LRRC37A2: variants seen among roughly 807,000 people sequenced by gnomAD.
The protein encoded by LRRC37A2 is leucine-rich repeat-containing protein 37A2.
LRRC37A2 carries 9 observed loss-of-function variants against 68.8 expected under a neutral mutation model. That is an observed-to-expected ratio of 0.13 (90% CI 0.08 to 0.23). The LOEUF (loss-of-function observed/expected upper bound fraction) is 0.23. LRRC37A2 is among the 10% of genes least tolerant of loss of function. The pLI, the probability that LRRC37A2 is intolerant of heterozygous loss-of-function variation, is 1.00. For synonymous variants in LRRC37A2, 63 were observed against 367.6 expected (o/e 0.17, Z 9.48); for missense variants, 168 against 950.4 (o/e 0.18, Z 10.82).
the LRRC37A2 span, among the ~76,000 whole-genome samples, chr17:46,983,559 A>G: frequency 1.3e-5 from 2 of 151,136 alleles, no homozygotes; most frequent in African/African-American, 4.9e-5. Flanking sequence ...CTCCCAAAGT[A>G]TTGGGATTAC....
the LRRC37A2 span, among the ~76,000 whole-genome samples, chr17:46,501,843 T>G: frequency 2.6e-5 from 4 of 151,280 alleles, 1 homozygote; most frequent in African/African-American, 7.4e-5. Context: ...GAATTAACCT[T>G]GATCAAATCT....
the LRRC37A2 span, chr17:46,979,028 C>G: frequency 7.2e-7 from 1 of 1,387,858 alleles, no homozygotes; most frequent in East Asian, 3.1e-5. Context: ...CGCCGGGGGT[C>G]TCGGCGCGCA....
At chr17:46,835,850 T>G in the LRRC37A2 span, among the ~76,000 whole-genome samples, 1 of 152,184 alleles carries the variant, frequency 6.6e-6, no homozygotes, top group South Asian at 2.1e-4. Context: ...CTGCCTAGCT[T>G]CTTAACCAGG....
At chr17:46,976,941 C>T in the LRRC37A2 span, among the ~76,000 whole-genome samples, 1 of 152,278 alleles carries the variant, frequency 6.6e-6, no homozygotes, top group East Asian at 1.9e-4. Flanking sequence ...GGGGTTTTTC[C>T]CCCAGAGACA....
At chr17:46,768,496 G>A in the LRRC37A2 span, 1 of 1,614,182 alleles carries the variant, frequency 6.2e-7, no homozygotes. This position sits in a 1 kb window ranked among gnomAD's most constrained non-coding sequence, Gnocchi z 5.0. Flanking sequence ...TTGCAAGTCC[G>A]GTCCCTTGTG....
chr17:47,039,992 C>G, the LRRC37A2 span, among the ~76,000 whole-genome samples: 1 of 151,886 alleles, frequency 6.6e-6, no homozygotes, highest in Admixed American at 6.6e-5. Flanking sequence ...CTTTTCAACT[C>G]TAGAATTTCT....
At chr17:46,778,955 T>C in the LRRC37A2 span, among the ~76,000 whole-genome samples, 83 of 152,240 alleles carry the variant, frequency 5.5e-4, no homozygotes, top group East Asian at 0.012. Context: ...AGTGCTGAAC[T>C]GATTTGTTTC....
chr17:46,938,849 T>A, the LRRC37A2 span: 1 of 1,597,092 alleles, frequency 6.3e-7, no homozygotes, highest in Non-Finnish European at 8.5e-7. Flanking sequence ...GAGGCCGCCT[T>A]TTGAAATGTT....
the LRRC37A2 span, chr17:46,875,067 C>T: frequency 6.2e-7 from 1 of 1,613,382 alleles, no homozygotes; most frequent in South Asian, 1.1e-5. Flanking sequence ...TTCCCCCTTT[C>T]CTCCCTCCCT....
the LRRC37A2 span, chr17:46,851,827 G>A: frequency 2.0e-6 from 1 of 508,382 alleles, no homozygotes; most frequent in Non-Finnish European, 3.0e-6. The surrounding 1 kb of genome is among the most constrained non-coding windows in gnomAD (Gnocchi z 4.3). Context: ...CCGAGGTCTC[G>A]AACTCAGACC....
the LRRC37A2 span, chr17:46,721,433 T>A: frequency 4.9e-6 from 3 of 609,900 alleles, no homozygotes; most frequent in Non-Finnish European, 8.6e-6. Context: ...AGCCTTCTCT[T>A]TCAGACTTCC....
At chr17:46,944,234 T>A in the LRRC37A2 span, among the ~76,000 whole-genome samples, 1 of 152,172 alleles carries the variant, frequency 6.6e-6, no homozygotes, top group Non-Finnish European at 1.5e-5. Context: ...GGGAAGGAGT[T>A]GGAGACAAGC....
the LRRC37A2 span, chr17:46,773,752 A>C: frequency 6.2e-7 from 1 of 1,612,112 alleles, no homozygotes. Flanking sequence ...TGGTGCTGGC[A>C]CTCCTGGATG....
intron 8 of LRRC37A2, among the ~76,000 whole-genome samples, chr17:46,542,492 C>G (rs1472189202): frequency 6.8e-6 from 1 of 146,180 alleles, no homozygotes; most frequent in South Asian, 2.1e-4. Context: ...GCATGAGACA[C>G]CGTGCCTGGC....
chr17:46,874,504 G>C, the LRRC37A2 span, among the ~76,000 whole-genome samples: 1 of 152,180 alleles, frequency 6.6e-6, no homozygotes, highest in South Asian at 2.1e-4. Context: ...GTAGCCCCTG[G>C]CCTGCTGCCC....
the LRRC37A2 span, among the ~76,000 whole-genome samples, chr17:46,956,568 C>T: frequency 2.0e-5 from 3 of 152,196 alleles, no homozygotes; most frequent in Non-Finnish European, 4.4e-5. Context: ...TACCAAAGTG[C>T]TGGGATTACA....
At chr17:46,838,009 T>G in the LRRC37A2 span, among the ~76,000 whole-genome samples, 3 of 151,784 alleles carry the variant, frequency 2.0e-5, no homozygotes, top group Non-Finnish European at 4.4e-5. Context: ...CCCAAGGGAG[T>G]GAGCAGGTAC....
chr17:46,709,776 T>C, the LRRC37A2 span, among the ~76,000 whole-genome samples: 1 of 152,178 alleles, frequency 6.6e-6, no homozygotes, highest in Non-Finnish European at 1.5e-5. Context: ...ATTATAGGCT[T>C]GAGTCACTGC....
the LRRC37A2 span, among the ~76,000 whole-genome samples, chr17:47,030,644 C>T: frequency 1.3e-5 from 2 of 151,974 alleles, no homozygotes; most frequent in African/African-American, 4.8e-5. Flanking sequence ...ACAAGGGTCT[C>T]AACACACCAA....
Sources: gnomAD v4.1 joint callset for allele counts (sites outside exome capture counted in the v4.1 genomes callset) on GRCh38, gnomAD v4.1.1 for gene constraint, Gnocchi (gnomAD v3.1) non-coding constraint, MANE v1.5 for transcripts, NCBI Gene and HGNC (gene_info 2026-07-23, HGNC 2026-07-21) for gene names.